EYS: variants seen among roughly 807,000 people sequenced by gnomAD.
EYS encodes the protein EGF-like photoreceptor maintenance factor, also known as protein eyes shut homolog.
A neutral mutation model predicts 282.1 loss-of-function variants in EYS; 250 were observed. That is an observed-to-expected ratio of 0.89 (90% CI 0.80 to 0.98). EYS has a LOEUF of 0.98. Among genes scored for constraint, EYS ranks in the 50% least tolerant of loss-of-function variants. The pLI is 0.00. For missense variants in EYS, 4,016 were observed against 3,709.0 expected (o/e 1.08, Z -2.15); for synonymous variants, 1,355 against 1,282.9 (o/e 1.06, Z -1.20).
chr6:65,067,824 T>C (rs1162066126), intron 12 of EYS, among the ~76,000 whole-genome samples: 1 of 152,134 alleles, frequency 6.6e-6, no homozygotes, highest in Admixed American at 6.6e-5. Flanking sequence ...TTTTAATAAT[T>C]TTAATATCTT....
intron 13 of EYS, among the ~76,000 whole-genome samples, chr6:65,002,752 G>A (rs1023705667): frequency 2.0e-5 from 3 of 147,748 alleles, no homozygotes; most frequent in Admixed American, 2.0e-4. Context: ...TGAAGCCATG[G>A]CAGAAGAACG....
chr6:63,808,469 G>A (rs537191678), intron 36 of EYS, among the ~76,000 whole-genome samples: 1 of 152,270 alleles, frequency 6.6e-6, no homozygotes, highest in East Asian at 1.9e-4. Flanking sequence ...ATTAGACAGA[G>A]AGCTGGAGGA....
chr6:64,339,652 T>C (rs1220216742), intron 29 of EYS, among the ~76,000 whole-genome samples: 1 of 151,852 alleles, frequency 6.6e-6, no homozygotes, highest in African/African-American at 2.4e-5. Context: ...GGAAAAGAAG[T>C]CATTATACAA....
At chr6:65,624,815 G>A (rs1766640197) in intron 2 of EYS, among the ~76,000 whole-genome samples, 1 of 152,084 alleles carries the variant, frequency 6.6e-6, no homozygotes, top group African/African-American at 2.4e-5. Flanking sequence ...TTGGGCCTTT[G>A]GCCAGAGACT....
chr6:63,974,328 C>G (rs1216232122), intron 35 of EYS, among the ~76,000 whole-genome samples: 1 of 151,684 alleles, frequency 6.6e-6, no homozygotes, highest in Non-Finnish European at 1.5e-5. Flanking sequence ...TAAAAAAAAC[C>G]ATTAATAAAT....
chr6:64,680,051 A>T (rs1769842559), intron 22 of EYS, among the ~76,000 whole-genome samples: 1 of 152,338 alleles, frequency 6.6e-6, no homozygotes, highest in South Asian at 2.1e-4. Flanking sequence ...TTGCATTAAA[A>T]TAAAGGAATT....
At chr6:64,578,589 C>T (rs1358776469) in intron 26 of EYS, among the ~76,000 whole-genome samples, 1 of 146,336 alleles carries the variant, frequency 6.8e-6, no homozygotes, top group Non-Finnish European at 1.5e-5. Flanking sequence ...TTCTCTTTCT[C>T]TCTCTCTTTG....
rs1772027374 is a variant in EYS at position 65,015,819 on chromosome 6, GGT to G, written c.2138-18118_2138-18117del. ...GGAGGCGGAGGTCGATGGATCATGA[GGT>G]CAAGAGACTGAGACCATCCTGGCCA... On this transcript the variant is annotated intron_variant, in intron 13 of 42. Transcript: ENST00000503581. Among the ~76,000 whole-genome samples the G allele has an allele frequency of 1.4e-5, 2 of 139,032 alleles. 1 individual carries two copies. 91.2% of individuals were successfully genotyped at this position (139,032 alleles called of 152,430 possible).
At chr6:64,424,897 G>A (rs980480677) in intron 28 of EYS, among the ~76,000 whole-genome samples, 1 of 152,146 alleles carries the variant, frequency 6.6e-6, no homozygotes, top group African/African-American at 2.4e-5. Flanking sequence ...AAAAATTTTA[G>A]ACAGAACAGT....
In EYS at chr6:63,783,855, G is replaced by A. The variant is rs1770296920; in HGVS notation, c.7723+4250C>T. Among the ~76,000 whole-genome samples, 3 of 152,076 alleles carry A rather than the reference G, an allele frequency of 2.0e-5. No homozygotes were observed. The South Asian group carries it at 6.2e-4, about 31-fold the overall frequency. On this transcript the variant is annotated intron_variant, in intron 39 of 42. Transcript: ENST00000503581. ...TGCCAACCTGACTTGGCCATGGGGT[G>A]CCCAGATACTTGGTCAAATATTGTG...
At chr6:65,626,757 C>T (rs572950122) in intron 2 of EYS, among the ~76,000 whole-genome samples, 16 of 151,938 alleles carry the variant, frequency 1.1e-4, no homozygotes, top group South Asian at 4.2e-4. Flanking sequence ...AATATCCCAG[C>T]CTCAAAGTTG....
intron 12 of EYS, among the ~76,000 whole-genome samples, chr6:65,178,092 C>G (rs1221713919): frequency 1.3e-5 from 2 of 151,866 alleles, no homozygotes; most frequent in African/African-American, 2.4e-5. Context: ...CTGCAAACAG[C>G]TTACTGGCAC....
chr6:64,537,251 T>C (rs1170903802), intron 26 of EYS, among the ~76,000 whole-genome samples: 4 of 145,652 alleles, frequency 2.7e-5, no homozygotes, highest in Non-Finnish European at 6.0e-5. Context: ...AGTGAGAATA[T>C]GCGGTGTTTG....
At chr6:64,212,745 C>A (rs1765817616) in intron 31 of EYS, among the ~76,000 whole-genome samples, 1 of 152,088 alleles carries the variant, frequency 6.6e-6, no homozygotes. Flanking sequence ...TTCAACCCAG[C>A]AATCCATTAC....
intron 26 of EYS, among the ~76,000 whole-genome samples, chr6:64,543,804 T>C (rs928192778): frequency 2.6e-5 from 4 of 152,148 alleles, no homozygotes; most frequent in Non-Finnish European, 5.9e-5. Flanking sequence ...AGGCATATCA[T>C]AGAAACTTGT....
intron 30 of EYS, among the ~76,000 whole-genome samples, chr6:64,253,334 T>C (rs1351537755): frequency 6.6e-6 from 1 of 152,124 alleles, no homozygotes; most frequent in African/African-American, 2.4e-5. Context: ...TTGTTGTAGA[T>C]ATCAGTGGGT....
At chr6:64,546,887 G>A (rs1401670352) in intron 26 of EYS, among the ~76,000 whole-genome samples, 7 of 152,182 alleles carry the variant, frequency 4.6e-5, no homozygotes, top group Non-Finnish European at 1.0e-4. Flanking sequence ...GTGCTGGAGA[G>A]GATGTGGAGA....
At chr6:65,428,692 A>C (rs955851560) in intron 5 of EYS, among the ~76,000 whole-genome samples, 2 of 152,168 alleles carry the variant, frequency 1.3e-5, no homozygotes, top group African/African-American at 4.8e-5. Flanking sequence ...CTTCAATAAA[A>C]TAATACAAAA....
chr6:64,884,334 G>T (rs1767017219), intron 19 of EYS, among the ~76,000 whole-genome samples: 1 of 151,276 alleles, frequency 6.6e-6, no homozygotes, highest in African/African-American at 2.4e-5. Flanking sequence ...TTTTCTGATG[G>T]AGCAAAGCTA....
Sources: gnomAD v4.1 joint callset for allele counts (sites outside exome capture counted in the v4.1 genomes callset) on GRCh38, gnomAD v4.1.1 for gene constraint, MANE v1.5 for transcripts, NCBI Gene and HGNC (gene_info 2026-07-23, HGNC 2026-07-21) for gene names.